CDH12: variants seen among roughly 807,000 people sequenced by gnomAD.
CDH12 encodes the protein cadherin-12.
A neutral mutation model predicts 74.1 loss-of-function variants in CDH12; 41 were observed. That is an observed-to-expected ratio of 0.55 (90% confidence interval 0.43 to 0.72). CDH12 has a LOEUF of 0.72. Among genes scored for constraint, CDH12 ranks in the 30% least tolerant of loss-of-function variants. The probability of loss-of-function intolerance (pLI) is 0.00; values close to 1 mark genes in which losing one functional copy is unlikely to be tolerated. For missense variants in CDH12, 945 were observed against 977.2 expected (o/e 0.97, Z 0.44); for synonymous variants, 399 against 355.0 (o/e 1.12, Z -1.39).
At chr5:22,686,686 TG>T (rs1235893824) in intron 1 of CDH12, among the ~76,000 whole-genome samples, 1 of 152,162 alleles carries the variant, frequency 6.6e-6, no homozygotes, top group Non-Finnish European at 1.5e-5. Context: ...ATCAGTAGGA[TG>T]GGGGTGATGG....
intron 8 of CDH12, among the ~76,000 whole-genome samples, chr5:21,828,643 T>C (rs913353803): frequency 1.3e-5 from 2 of 152,204 alleles, no homozygotes; most frequent in African/African-American, 4.8e-5. Flanking sequence ...TCATCATATA[T>C]TCGTGTATCA....
chr5:22,467,330 TC>T (rs927504913), intron 2 of CDH12, among the ~76,000 whole-genome samples: 1 of 152,124 alleles, frequency 6.6e-6, no homozygotes, highest in African/African-American at 2.4e-5. Flanking sequence ...CTGTCAAGAA[TC>T]CCCCCATCTG....
chr5:21,938,044 G>A (rs1269697269), intron 6 of CDH12, among the ~76,000 whole-genome samples: 10 of 152,134 alleles, frequency 6.6e-5, no homozygotes, highest in Admixed American at 5.2e-4. Flanking sequence ...CATCTGTGCC[G>A]ACCCATGTGA....
chr5:22,474,547 G>T (rs1363053628), intron 2 of CDH12, among the ~76,000 whole-genome samples: 2 of 152,078 alleles, frequency 1.3e-5, no homozygotes, highest in African/African-American at 4.8e-5. Context: ...CAATAGTAAA[G>T]GAGAATATTG....
intron 3 of CDH12, among the ~76,000 whole-genome samples, chr5:22,346,402 C>T (rs2150460107): frequency 6.6e-6 from 1 of 152,238 alleles, no homozygotes; most frequent in Non-Finnish European, 1.5e-5. Context: ...ACTATCAATT[C>T]TACTTCCCTA....
chr5:22,580,792 C>G (rs1470825961), intron 1 of CDH12: 1 of 246,922 alleles, frequency 4.0e-6, no homozygotes, highest in Non-Finnish European at 8.3e-6. Context: ...GTTGTTTTCT[C>G]CCATTAACAA....
At chr5:22,338,248 G>T (rs1460968380) in intron 3 of CDH12, among the ~76,000 whole-genome samples, 3 of 152,124 alleles carry the variant, frequency 2.0e-5, no homozygotes, top group Admixed American at 6.5e-5. Context: ...CCCTAAAAAA[G>T]AATAAGATTA....
At chr5:22,543,883 A>T (rs1738204706) in intron 1 of CDH12, among the ~76,000 whole-genome samples, 1 of 152,048 alleles carries the variant, frequency 6.6e-6, no homozygotes, top group East Asian at 1.9e-4. Context: ...AATAAAACAC[A>T]TCAAATACGT....
chr5:22,188,832 G>C (rs1580376924), intron 4 of CDH12, among the ~76,000 whole-genome samples: 1 of 152,298 alleles, frequency 6.6e-6, no homozygotes, highest in African/African-American at 2.4e-5. Flanking sequence ...GCAGGGTGCT[G>C]TTCTGTGCTG....
chr5:22,440,430 A>T (rs574154350), intron 2 of CDH12, among the ~76,000 whole-genome samples: 1 of 152,212 alleles, frequency 6.6e-6, no homozygotes, highest in Admixed American at 6.5e-5. Context: ...GGACATTATT[A>T]CTCTTTGGAA....
At chr5:22,392,906 T>A (rs1196172595) in intron 3 of CDH12, among the ~76,000 whole-genome samples, 2 of 152,084 alleles carry the variant, frequency 1.3e-5, no homozygotes, top group East Asian at 3.9e-4. Flanking sequence ...CAACCACCCC[T>A]AGTCATTAGG....
At chr5:22,208,857 T>C (rs1434834029) in intron 4 of CDH12, among the ~76,000 whole-genome samples, 1 of 152,244 alleles carries the variant, frequency 6.6e-6, no homozygotes, top group African/African-American at 2.4e-5. Context: ...TCTTTTGGAA[T>C]AGTAATACAG....
intron 5 of CDH12, among the ~76,000 whole-genome samples, chr5:21,982,831 A>G (rs933048610): frequency 5.3e-5 from 8 of 151,958 alleles, no homozygotes; most frequent in African/African-American, 1.9e-4. Flanking sequence ...AATAATTTGT[A>G]TTTCCTATGT....
At chr5:22,160,213 C>T (rs1748260565) in intron 4 of CDH12, among the ~76,000 whole-genome samples, 1 of 152,140 alleles carries the variant, frequency 6.6e-6, no homozygotes. Context: ...AAAATGTCCA[C>T]AGAAGGCTTT....
At chr5:22,684,924 TTTG>T (rs1351783020) in intron 1 of CDH12, among the ~76,000 whole-genome samples, 5 of 152,050 alleles carry the variant, frequency 3.3e-5, no homozygotes, top group Admixed American at 6.6e-5. Flanking sequence ...ACACATGAGT[TTTG>T]TTGTTGTTGT....
intron 1 of CDH12, among the ~76,000 whole-genome samples, chr5:22,802,872 A>G (rs1312331893): frequency 1.3e-5 from 2 of 152,214 alleles, no homozygotes; most frequent in African/African-American, 2.4e-5. Flanking sequence ...CGTTTAAAAA[A>G]TTTATTTCTA....
chr5:22,452,901 A>AAAAAAAAAAAAAAAT (rs1561415313), intron 2 of CDH12, among the ~76,000 whole-genome samples: 2 of 125,940 alleles, frequency 1.6e-5, no homozygotes, highest in Non-Finnish European at 1.7e-5. Context: ...AAAAAAAAAA[A>AAAAAAAAAAAAAAAT]AAATGAGTTA....
At chr5:22,402,789 T>C (rs989649252) in intron 3 of CDH12, among the ~76,000 whole-genome samples, 2 of 152,140 alleles carry the variant, frequency 1.3e-5, no homozygotes, top group African/African-American at 2.4e-5. Context: ...ATGGATCCAG[T>C]CAACCATCTT....
intron 1 of CDH12, among the ~76,000 whole-genome samples, chr5:22,633,143 A>C (rs1195055807): frequency 6.6e-6 from 1 of 152,138 alleles, no homozygotes; most frequent in Non-Finnish European, 1.5e-5. Context: ...AGAAATTATT[A>C]AATTAAAAAA....
Sources: allele counts gnomAD v4.1 joint callset (sites outside exome capture counted in the v4.1 genomes callset), GRCh38; gene constraint gnomAD v4.1.1; transcripts MANE v1.5; gene names NCBI Gene and HGNC (gene_info 2026-07-23, HGNC 2026-07-21).